Variants in ARHGAP6 observed in about 807,000 individuals in gnomAD.
ARHGAP6 encodes Rho GTPase activating protein 6.
Under a neutral mutation model 55.7 loss-of-function variants are expected in ARHGAP6, and 16 were observed. That is an observed-to-expected ratio of 0.29 (90% CI 0.19 to 0.44). The LOEUF (loss-of-function observed/expected upper bound fraction) is 0.44, where lower values mean the gene tolerates loss of function less well. Ranked by LOEUF, ARHGAP6 falls within the 20% of genes least tolerant of loss-of-function variation. The pLI, the probability that ARHGAP6 is intolerant of heterozygous loss-of-function variation, is 1.00. For synonymous variants in ARHGAP6, 382 were observed against 360.9 expected (o/e 1.06, Z -0.66); for missense variants, 698 against 808.9 (o/e 0.86, Z 1.66).
intron 1 of ARHGAP6, among the ~76,000 whole-genome samples, chrX:11,379,103 T>C (rs1425797422): frequency 9.0e-6 from 1 of 111,699 alleles, no homozygotes; most frequent in Non-Finnish European, 1.9e-5. Flanking sequence ...TTGGGTGGAG[T>C]TGCTTAGCTA....
chrX:11,215,766 C>T (rs960511178), intron 2 of ARHGAP6, among the ~76,000 whole-genome samples: 6 of 112,453 alleles, frequency 5.3e-5, no homozygotes, highest in Non-Finnish European at 1.1e-4. Context: ...GAAGAAGGTG[C>T]ACGCCCAAGG....
At chrX:11,584,658 A>G (rs2147122498) in intron 1 of ARHGAP6, among the ~76,000 whole-genome samples, 1 of 111,768 alleles carries the variant, frequency 8.9e-6, no homozygotes, top group South Asian at 3.8e-4. Flanking sequence ...GAATTGCCGT[A>G]CTGTTTCAAA....
At chrX:11,608,354 T>C (rs2052059941) in intron 1 of ARHGAP6, among the ~76,000 whole-genome samples, 1 of 112,103 alleles carries the variant, frequency 8.9e-6, no homozygotes, top group African/African-American at 3.2e-5. Context: ...GACATGGTTA[T>C]GGTACATTGC....
At chrX:11,409,398 G>A (rs2049652841) in intron 1 of ARHGAP6, among the ~76,000 whole-genome samples, 1 of 111,860 alleles carries the variant, frequency 8.9e-6, no homozygotes, top group African/African-American at 3.3e-5. Context: ...ACAAGCAGGG[G>A]CCTGTGGCCA....
intron 2 of ARHGAP6, among the ~76,000 whole-genome samples, chrX:11,235,564 T>C (rs1245014329): frequency 9.0e-6 from 1 of 111,692 alleles, no homozygotes; most frequent in Non-Finnish European, 1.9e-5. Context: ...AATGGGTTTT[T>C]CTTTTCTATT....
chrX:11,521,440 T>G (rs931529652), intron 1 of ARHGAP6, among the ~76,000 whole-genome samples: 1 of 112,187 alleles, frequency 8.9e-6, no homozygotes, highest in Non-Finnish European at 1.9e-5. Flanking sequence ...CCTGTTTTTG[T>G]CAGGTTAGTC....
rs183068463 is a variant in ARHGAP6, at chrX:11,486,432, T to C, written c.588+177809A>G. Reference sequence around the variant, plus strand: ...CTGAGTGCTTATGATAAAGCAAGCATTGTTCTTGTAATAAGGTAATCTGCC... The same window carrying C: ...CTGAGTGCTTATGATAAAGCAAGCACTGTTCTTGTAATAAGGTAATCTGCC... On this transcript the variant is annotated intron_variant, in intron 1 of 12. Transcript: ENST00000337414. Among the ~76,000 whole-genome samples, 62 of 112,498 alleles carry C rather than the reference T, an allele frequency of 5.5e-4. No individual in the cohort carries two copies. In the East Asian group the frequency reaches 0.014, roughly 26 times the overall value.
chrX:11,655,145 G>A (rs2052624638), intron 1 of ARHGAP6, among the ~76,000 whole-genome samples: 1 of 112,115 alleles, frequency 8.9e-6, no homozygotes, highest in Non-Finnish European at 1.9e-5. Flanking sequence ...TATACAATAT[G>A]TGGACCTTTG....
At chrX:11,205,322 C>T (rs1333703078) in intron 2 of ARHGAP6, among the ~76,000 whole-genome samples, 2 of 111,581 alleles carry the variant, frequency 1.8e-5, no homozygotes, top group Non-Finnish European at 3.8e-5. Context: ...TTAGTGGATC[C>T]CTGGTCTCCA....
chrX:11,580,094 A>G (rs2051647563), intron 1 of ARHGAP6, among the ~76,000 whole-genome samples: 1 of 111,926 alleles, frequency 8.9e-6, no homozygotes, highest in Non-Finnish European at 1.9e-5. Flanking sequence ...CTTGAAAGTG[A>G]AATCATACGT....
intron 1 of ARHGAP6, among the ~76,000 whole-genome samples, chrX:11,308,762 G>T (rs1308896640): frequency 8.9e-6 from 1 of 111,982 alleles, no homozygotes; most frequent in Non-Finnish European, 1.9e-5. Context: ...GTAACATTAA[G>T]ACCCATGCAA....
intron 1 of ARHGAP6, among the ~76,000 whole-genome samples, chrX:11,499,882 C>A (rs1262291852): frequency 3.6e-5 from 4 of 111,920 alleles, no homozygotes; most frequent in Non-Finnish European, 7.5e-5. Flanking sequence ...CAGCTGGAAA[C>A]AATCTTGAGA....
chrX:11,415,632 T>C (rs958159118), intron 1 of ARHGAP6, among the ~76,000 whole-genome samples: 1 of 111,896 alleles, frequency 8.9e-6, no homozygotes, highest in Non-Finnish European at 1.9e-5. Context: ...CACACTGAAG[T>C]TAGGCTTTTA....
At position 11,330,650 on chromosome X, in the gene ARHGAP6, T is replaced by C. The variant is rs577557226; in HGVS notation, c.589-75943A>G. 8.9e-5 allele frequency among the ~76,000 whole-genome samples: 10 copies of C among 111,917 alleles called. No homozygotes were observed. In the South Asian group the frequency reaches 3.7e-3, roughly 42 times the overall value. On this transcript the variant is annotated intron_variant, in intron 1 of 12. Coordinates refer to ENST00000337414, the MANE Select transcript of ARHGAP6 (RefSeq NM_013427.3). Reference sequence around the variant, plus strand: ...TAGAGCTCTATGCTCTAGATGTGTTTACTCATCTAATCATCACAACACCAC... The same window carrying C: ...TAGAGCTCTATGCTCTAGATGTGTTCACTCATCTAATCATCACAACACCAC...
chrX:11,577,575 C>T (rs747112816), intron 1 of ARHGAP6, among the ~76,000 whole-genome samples: 1 of 111,975 alleles, frequency 8.9e-6, no homozygotes, highest in South Asian at 3.8e-4. Flanking sequence ...TTACCAGGTA[C>T]TTGCCATCAG....
At chrX:11,420,294 TA>T (rs2147776687) in intron 1 of ARHGAP6, among the ~76,000 whole-genome samples, 1 of 111,740 alleles carries the variant, frequency 8.9e-6, no homozygotes, top group South Asian at 3.8e-4. Flanking sequence ...AAGAATAAAA[TA>T]AATCAGAAAA....
At chrX:11,533,389 T>A (rs1453228876) in intron 1 of ARHGAP6, among the ~76,000 whole-genome samples, 3 of 111,905 alleles carry the variant, frequency 2.7e-5, no homozygotes, top group Non-Finnish European at 5.6e-5. Flanking sequence ...GTGTAATATA[T>A]CCCCTCATTG....
At chrX:11,265,934 G>A (rs1031361847) in intron 1 of ARHGAP6, 5 of 950,837 alleles carry the variant, frequency 5.3e-6, no homozygotes, top group South Asian at 2.2e-5. Flanking sequence ...TCTTTTCATC[G>A]GATCATTGAG....
intron 1 of ARHGAP6, among the ~76,000 whole-genome samples, chrX:11,435,678 C>T (rs141855290): frequency 0.027 from 2,998 of 111,607 alleles, 41 homozygotes; most frequent in Non-Finnish European, 0.039. Flanking sequence ...TCATAAAGGC[C>T]GGGTGATTTG....
Sources: allele counts gnomAD v4.1 joint callset (sites outside exome capture counted in the v4.1 genomes callset), GRCh38; gene constraint gnomAD v4.1.1; transcripts MANE v1.5; gene names NCBI Gene and HGNC (gene_info 2026-07-23, HGNC 2026-07-21).